The following PRELID2 variants were observed in gnomAD, a reference collection of about 807,000 sequenced individuals.
The protein encoded by PRELID2 is PRELI domain containing 2, also known as PRELI domain-containing protein 2.
Under a neutral mutation model 28.4 loss-of-function variants are expected in PRELID2, and 25 were observed. The ratio of observed to expected loss-of-function variants is 0.88; its 90% CI spans 0.64 to 1.23. The LOEUF is 1.23. Ranked by LOEUF, PRELID2 falls within the 50% of genes most tolerant of loss-of-function variation. The pLI is 0.00. For missense variants in PRELID2, 201 were observed against 214.4 expected (o/e 0.94, Z 0.39); for synonymous variants, 76 against 71.6 (o/e 1.06, Z -0.31).
At chr5:145,547,969 T>C (rs1021297427) in intron 1 of PRELID2, among the ~76,000 whole-genome samples, 4 of 152,148 alleles carry the variant, frequency 2.6e-5, no homozygotes, top group Non-Finnish European at 5.9e-5. Context: ...GGCATCGTAA[T>C]CAAGGAAAAT....
chr5:145,610,162 G>T (rs1753591285), intron 1 of PRELID2, among the ~76,000 whole-genome samples: 3 of 152,194 alleles, frequency 2.0e-5, no homozygotes. Context: ...TGTGGAGGGT[G>T]TGAATCCCCT....
At chr5:145,770,118 A>G (rs1758012437) in intron 5 of PRELID2, among the ~76,000 whole-genome samples, 1 of 152,238 alleles carries the variant, frequency 6.6e-6, no homozygotes, top group South Asian at 2.1e-4. Context: ...ATAAAAGTAT[A>G]GCACATATAA....
chr5:145,230,754 A>C, the PRELID2 span, among the ~76,000 whole-genome samples: 1 of 152,226 alleles, frequency 6.6e-6, no homozygotes, highest in East Asian at 1.9e-4. Flanking sequence ...GTTTTGGCTC[A>C]GAGATTTTTC....
chr5:145,831,935 C>T (rs1755617063), intron 1 of PRELID2, among the ~76,000 whole-genome samples: 1 of 152,192 alleles, frequency 6.6e-6, no homozygotes, highest in Admixed American at 6.5e-5. Context: ...ACACAAAAAT[C>T]AACCACATGA....
intron 1 of PRELID2, among the ~76,000 whole-genome samples, chr5:145,663,331 T>C (rs774746834): frequency 3.9e-5 from 6 of 152,176 alleles, no homozygotes; most frequent in Non-Finnish European, 7.4e-5. Context: ...ACTTCAATAG[T>C]TGCTATCCAT....
intron 1 of PRELID2, among the ~76,000 whole-genome samples, chr5:145,741,384 T>C (rs1302407841): frequency 9.6e-6 from 1 of 103,672 alleles, no homozygotes; most frequent in Non-Finnish European, 1.7e-5. Context: ...ATTTTATTTA[T>C]AAATTATTTA....
intron 4 of PRELID2, among the ~76,000 whole-genome samples, chr5:145,803,049 T>C (rs1228749391): frequency 6.6e-6 from 1 of 152,130 alleles, no homozygotes; most frequent in Non-Finnish European, 1.5e-5. Context: ...TAAAGTGTCT[T>C]TGAGGGGCAA....
intron 1 of PRELID2, among the ~76,000 whole-genome samples, chr5:145,694,297 C>T (rs1561546486): frequency 6.6e-6 from 1 of 151,944 alleles, no homozygotes; most frequent in African/African-American, 2.4e-5. Context: ...AAAATATTAG[C>T]CAAGATTGTC....
the PRELID2 span, among the ~76,000 whole-genome samples, chr5:145,353,137 T>C: frequency 6.6e-6 from 1 of 152,138 alleles, no homozygotes. Flanking sequence ...CAATTTACTG[T>C]ATTAGTCCAT....
chr5:145,503,715 T>C (rs1393246236), intron 1 of PRELID2, among the ~76,000 whole-genome samples: 1 of 152,188 alleles, frequency 6.6e-6, no homozygotes, highest in Admixed American at 6.5e-5. Flanking sequence ...GAAATCATTA[T>C]CTAAACAACA....
chr5:145,739,909 A>T (rs1357993601), intron 1 of PRELID2, among the ~76,000 whole-genome samples: 2 of 151,430 alleles, frequency 1.3e-5, no homozygotes, highest in African/African-American at 4.8e-5. Flanking sequence ...TACCTAAAGA[A>T]AGTTTTTAAA....
rs1451823409 is a variant in PRELID2 at position 145,759,054 on chromosome 5, G to A, written c.*1482C>T. The stretch of plus-strand genomic sequence containing the variant: ...CTTGCTCTGTCACCCAGGCTGGGGT[G>A]CAGTGGCACAATCTCAGCTTACTGC... On this transcript the variant is annotated 3_prime_UTR_variant, in exon 7 of 7. Coordinates refer to ENST00000683046, the MANE Select transcript of PRELID2 (RefSeq NM_205846.3). 1.5e-5 allele frequency: 2 copies of A among 134,136 alleles called. No homozygotes were observed. Among genetic ancestry groups the A allele is most frequent in the African/African-American group, 5.6e-5 (2 of 35,860 alleles). The allele number at this position is 134,136 out of a possible 1,614,324, so 8.3% of individuals were successfully genotyped here.
chr5:145,447,086 A>AAATAAATAAATAAATAAAT, the PRELID2 span, among the ~76,000 whole-genome samples: 6 of 69,494 alleles, frequency 8.6e-5, no homozygotes, highest in African/African-American at 2.9e-4. Context: ...AATAAATAAA[A>AAATAAATAAATAAATAAAT]ATTTAAAAAT....
chr5:145,635,764 C>T (rs1391880181), intron 1 of PRELID2, among the ~76,000 whole-genome samples: 2 of 152,206 alleles, frequency 1.3e-5, no homozygotes, highest in Admixed American at 1.3e-4. Context: ...TACAAAGTTT[C>T]ACAAACCTTT....
intron 1 of PRELID2, among the ~76,000 whole-genome samples, chr5:145,737,687 G>C (rs915619131): frequency 1.3e-5 from 2 of 152,130 alleles, no homozygotes; most frequent in African/African-American, 2.4e-5. Context: ...GATAACCTCT[G>C]TACTCCAGCT....
the PRELID2 span, among the ~76,000 whole-genome samples, chr5:145,391,065 C>A: frequency 1.3e-5 from 2 of 152,178 alleles, no homozygotes; most frequent in Non-Finnish European, 2.9e-5. Context: ...GTACAGCCCC[C>A]CTCCCGCCTA....
downstream of PRELID2, among the ~76,000 whole-genome samples, chr5:145,468,649 T>G (rs1752025329): frequency 6.6e-6 from 1 of 152,216 alleles, no homozygotes; most frequent in South Asian, 2.1e-4. Flanking sequence ...GGTTTTGATT[T>G]GCATTTCTCT....
At chr5:145,334,818 T>C in the PRELID2 span, among the ~76,000 whole-genome samples, 1 of 151,876 alleles carries the variant, frequency 6.6e-6, no homozygotes. Context: ...GCTCACTCTT[T>C]CTTGGAGTGC....
chr5:145,600,839 A>G (rs890434066), intron 1 of PRELID2, among the ~76,000 whole-genome samples: 9 of 152,174 alleles, frequency 5.9e-5, no homozygotes, highest in African/African-American at 2.2e-4. Flanking sequence ...ATGTTTAAAG[A>G]AACAAAAATA....
Sources: gnomAD v4.1 joint callset for allele counts (sites outside exome capture counted in the v4.1 genomes callset) on GRCh38, gnomAD v4.1.1 for gene constraint, MANE v1.5 for transcripts, NCBI Gene and HGNC (gene_info 2026-07-23, HGNC 2026-07-21) for gene names.